RASSF8: variants seen among roughly 807,000 people sequenced by gnomAD.
RASSF8 encodes the protein Ras association domain family member 8.
Under a neutral mutation model 48.5 loss-of-function variants are expected in RASSF8, and 22 were observed. The ratio of observed to expected loss-of-function variants is 0.45; its 90% CI spans 0.32 to 0.65. The LOEUF is 0.65. Ranked by LOEUF, RASSF8 falls within the 30% of genes least tolerant of loss-of-function variation. RASSF8 has a pLI of 0.03. For synonymous variants in RASSF8, 127 were observed against 171.5 expected (o/e 0.74, Z 2.03); for missense variants, 418 against 489.2 (o/e 0.85, Z 1.37).
chr12:26,018,784 G>A (rs1994998), intron 2 of RASSF8, among the ~76,000 whole-genome samples: 136,910 of 152,234 alleles, frequency 0.9, 61,711 homozygotes, highest in East Asian at 0.99. Context: ...CCCAGACCCA[G>A]TGTCTGATGT....
downstream of RASSF8, chr12:26,072,925 T>C (rs1340685883): frequency 1.4e-6 from 1 of 717,540 alleles, no homozygotes; most frequent in African/African-American, 1.9e-5. Flanking sequence ...CAATTTTACT[T>C]CCTTTAAAAG....
At chr12:26,013,643 A>G (rs1212874556) in intron 2 of RASSF8, among the ~76,000 whole-genome samples, 2 of 151,440 alleles carry the variant, frequency 1.3e-5, no homozygotes, top group East Asian at 1.9e-4. Flanking sequence ...TTTTTTTTTT[A>G]ATAATAAAAG....
At chr12:26,057,249 G>T (rs111911312) in intron 3 of RASSF8, among the ~76,000 whole-genome samples, 1 of 152,028 alleles carries the variant, frequency 6.6e-6, no homozygotes, top group Non-Finnish European at 1.5e-5. Flanking sequence ...ATTTACATTG[G>T]ATATTTCTCC....
At chr12:26,010,212 C>A (rs1942490086) in intron 2 of RASSF8, among the ~76,000 whole-genome samples, 1 of 151,196 alleles carries the variant, frequency 6.6e-6, no homozygotes, top group African/African-American at 2.4e-5. Context: ...GTTAGTCAGG[C>A]ACCAGCAAAG....
At chr12:26,043,161 A>G (rs914778131) in intron 2 of RASSF8, among the ~76,000 whole-genome samples, 6 of 152,218 alleles carry the variant, frequency 3.9e-5, no homozygotes, top group Admixed American at 3.3e-4. Context: ...TTGATATGAA[A>G]CAAAACTACC....
At chr12:25,992,453 A>G (rs1942036535) in intron 1 of RASSF8, among the ~76,000 whole-genome samples, 1 of 152,210 alleles carries the variant, frequency 6.6e-6, no homozygotes, top group African/African-American at 2.4e-5. Flanking sequence ...TGAGAATTCG[A>G]TGAACAGTAC....
chr12:26,033,982 C>T (rs1194073719), intron 2 of RASSF8, among the ~76,000 whole-genome samples: 1 of 152,086 alleles, frequency 6.6e-6, no homozygotes, highest in Non-Finnish European at 1.5e-5. Flanking sequence ...GCACTTGGAT[C>T]TGCTGGTGCC....
At chr12:26,066,253 C>G (rs201644288) in intron 4 of RASSF8, among the ~76,000 whole-genome samples, 10 of 152,104 alleles carry the variant, frequency 6.6e-5, no homozygotes, top group African/African-American at 2.2e-4. Context: ...TTAGAGCTTA[C>G]GATTCAAAGT....
intron 2 of RASSF8, among the ~76,000 whole-genome samples, chr12:26,023,576 CAGATCCATCTTAACA>C (rs1162397240): frequency 6.6e-6 from 1 of 151,758 alleles, no homozygotes; most frequent in Non-Finnish European, 1.5e-5. Flanking sequence ...TTGTTGTTAA[CAGATCCATCTTAACA>C]AGAAATACTA....
At chr12:26,005,136 TTG>T (rs1942357720) in intron 2 of RASSF8, among the ~76,000 whole-genome samples, 1 of 151,774 alleles carries the variant, frequency 6.6e-6, no homozygotes. Context: ...TAACGTGTAT[TTG>T]TGTCTTTTTA....
chr12:26,061,580 T>C (rs528836256), intron 3 of RASSF8, among the ~76,000 whole-genome samples: 1 of 152,254 alleles, frequency 6.6e-6, no homozygotes, highest in African/African-American at 2.4e-5. Flanking sequence ...CAGATAGATA[T>C]TCCTTTTTAT....
chr12:26,076,818 T>C (rs1944076676), downstream of RASSF8, among the ~76,000 whole-genome samples: 1 of 152,350 alleles, frequency 6.6e-6, no homozygotes, highest in African/African-American at 2.4e-5. Flanking sequence ...TTTCTAGTTC[T>C]AGATCCTTAA....
intron 2 of RASSF8, among the ~76,000 whole-genome samples, chr12:26,039,850 G>A (rs536447479): frequency 1.3e-5 from 2 of 152,150 alleles, no homozygotes; most frequent in African/African-American, 2.4e-5. Context: ...ATGGCTTAAT[G>A]TAAAGAAATT....
At chr12:25,979,656 A>G (rs1941691577) in intron 1 of RASSF8, among the ~76,000 whole-genome samples, 1 of 152,220 alleles carries the variant, frequency 6.6e-6, no homozygotes, top group Admixed American at 6.5e-5. Context: ...TAATTTGCCC[A>G]AACTCACATA....
intron 2 of RASSF8, among the ~76,000 whole-genome samples, chr12:26,036,262 G>A (rs1426619275): frequency 6.6e-6 from 1 of 151,878 alleles, no homozygotes; most frequent in African/African-American, 2.4e-5. Flanking sequence ...TAATTGGAGG[G>A]CACATCGGGG....
intron 1 of RASSF8, among the ~76,000 whole-genome samples, chr12:25,978,314 A>T (rs1941657478): frequency 6.6e-6 from 1 of 152,204 alleles, no homozygotes. Flanking sequence ...ATCCTTATAT[A>T]TTCTGGAAGT....
chr12:26,065,086 A>G lies in RASSF8; in HGVS notation c.692A>G (p.Gln231Arg), dbSNP rs766000716. The change falls in exon 4 of 6, where the codon CAG becomes CGG. Residue 231 changes from glutamine (Q) to arginine (R), a missense_variant. By Grantham distance (43) the Gln-to-Arg change is conservative. Transcript: ENST00000689635. Reference sequence around the variant, plus strand: ...GAAGAATTCTGGGAAAATGAATTACAGATTGAACAGGAAAATGAAAAACAG... The same window carrying G: ...GAAGAATTCTGGGAAAATGAATTACGGATTGAACAGGAAAATGAAAAACAG... ...EEEEFWENEL[Q>R]IEQENEKQLK... 6.2e-6 allele frequency: 10 copies of G among 1,614,090 alleles called. No homozygotes were observed. The Admixed American group carries it at 1.7e-4, about 27-fold the overall frequency.
rs187407876 is a variant in RASSF8 at position 26,069,320 on chromosome 12, A to G, written c.*502A>G. 38 of 985,784 alleles carry G rather than the reference A, an allele frequency of 3.9e-5. No homozygotes were observed. In the East Asian group the frequency reaches 3.1e-3, roughly 79 times the overall value. The allele number at this position is 985,784 out of a possible 1,614,324, so 61.1% of individuals were successfully genotyped here. The stretch of plus-strand genomic sequence containing the variant: ...ATGCATTGCTGATTTACACTACACA[A>G]GTGTCCTAGGGTGCTCCACCATCGA... On this transcript the variant is annotated 3_prime_UTR_variant, in exon 6 of 6. Coordinates refer to ENST00000689635, the MANE Select transcript of RASSF8 (RefSeq NM_001394098.1).
chr12:26,073,535 G>C (rs1157352730), downstream of RASSF8, among the ~76,000 whole-genome samples: 1 of 152,118 alleles, frequency 6.6e-6, no homozygotes, highest in Non-Finnish European at 1.5e-5. Flanking sequence ...TCAGGAGTTC[G>C]AGACCAGCCT....
Sources: allele counts gnomAD v4.1 joint callset (sites outside exome capture counted in the v4.1 genomes callset), GRCh38; gene constraint gnomAD v4.1.1; transcripts MANE v1.5; gene names NCBI Gene and HGNC (gene_info 2026-07-23, HGNC 2026-07-21).